CLK3: variants seen among roughly 807,000 people sequenced by gnomAD.
CLK3 encodes the protein CDC like kinase 3.
CLK3 carries 24 observed loss-of-function variants against 65.2 expected under a neutral mutation model. The observed-to-expected ratio is 0.37, with a 90% CI of 0.27 to 0.52. CLK3 has a LOEUF of 0.52. Ranked by LOEUF, CLK3 falls within the 20% of genes least tolerant of loss-of-function variation. The probability of loss-of-function intolerance (pLI) is 0.92; values close to 1 mark genes in which losing one functional copy is unlikely to be tolerated. For missense variants in CLK3, 506 were observed against 660.0 expected (o/e 0.77, Z 2.56); for synonymous variants, 252 against 240.8 (o/e 1.05, Z -0.43).
At chr15:74,628,871 C>T in intron 11 of CLK3, 71 bp from the exon 12 acceptor site, 1 of 1,196,892 alleles carries the variant, frequency 8.4e-7, no homozygotes, top group South Asian at 1.3e-5. Context: ...GGGAGCTGCT[C>T]TTCCCCACCT....
intron 1 of CLK3, 91 bp from the exon 2 acceptor site, chr15:74,619,106 T>G: frequency 6.6e-7 from 1 of 1,519,936 alleles, no homozygotes. Flanking sequence ...ACAATGGGCC[T>G]CTTCAGGAGC....
At chr15:74,615,139 T>G, upstream of CLK3, 2 of 319,720 alleles carry the variant, frequency 6.3e-6, no homozygotes, top group East Asian at 4.8e-5. Flanking sequence ...GGCGGGGCTT[T>G]TGTCTAGCGG....
chr15:74,615,960 G>C, intron 1 of CLK3, 62 bp downstream of exon 1: 1 of 1,166,018 alleles, frequency 8.6e-7, no homozygotes, highest in Non-Finnish European at 1.1e-6. Flanking sequence ...GTGAGTCGGC[G>C]GGGCAGGCGC....
chr15:74,609,228 C>T (rs921839948), intron 1 of CLK3, among the ~76,000 whole-genome samples: 6 of 152,244 alleles, frequency 3.9e-5, no homozygotes, highest in African/African-American at 1.4e-4. Context: ...AGGCCCCGAA[C>T]TCCACTTCCT....
At chr15:74,626,342 G>A (rs562057429) in intron 7 of CLK3, among the ~76,000 whole-genome samples, 3 of 152,164 alleles carry the variant, frequency 2.0e-5, no homozygotes, top group South Asian at 2.1e-4. Context: ...GGAGACCCTC[G>A]GTCTAACCCT....
At chr15:74,628,767 G>T in intron 11 of CLK3, 84 bp downstream of exon 11, 1 of 1,234,918 alleles carries the variant, frequency 8.1e-7, no homozygotes, top group Admixed American at 2.1e-5. Flanking sequence ...TGGATGTGGT[G>T]AGTCTTTGCT....
Position 74,621,326 on chromosome 15 carries a change from T to C in CLK3, c.370-794T>C, listed in dbSNP as rs2062101516. On this transcript the variant is annotated intron_variant, in intron 3 of 12. Transcript: ENST00000395066. This position sits in a 1 kb window ranked among gnomAD's most constrained non-coding sequence, Gnocchi z 4.8. Reference sequence around the variant, plus strand: ...GGATGGGCCTAGATTGTGAGCAGCATGGGTGCCAAGGCCAGGGCAGGAGCT... The same window carrying C: ...GGATGGGCCTAGATTGTGAGCAGCACGGGTGCCAAGGCCAGGGCAGGAGCT... 2 of 157,416 alleles carry C rather than the reference T, an allele frequency of 1.3e-5. No individual in the cohort carries two copies. Among genetic ancestry groups the C allele is most frequent in the Admixed American group, 6.1e-5 (1 of 16,324 alleles). 9.8% of individuals were successfully genotyped at this position (157,416 alleles called of 1,614,324 possible).
Position 74,615,886 on chromosome 15 carries a change from A to G in CLK3, c.-13A>G, listed in dbSNP as rs2062053270. ...GGGAGTGGGGCCTAGCTGCAGCCGG[A>G]GCCTGGGAGACGGTAAGTGTGGGCT... On this transcript the variant is annotated 5_prime_UTR_variant, in exon 1 of 13. Coordinates refer to ENST00000395066, the MANE Select transcript of CLK3 (RefSeq NM_001130028.2). 3 of 1,253,514 alleles carry G rather than the reference A, an allele frequency of 2.4e-6. No individual in the cohort carries two copies. The African/African-American group carries it at 4.6e-5, about 19-fold the overall frequency. 77.6% of individuals were successfully genotyped at this position (1,253,514 alleles called of 1,614,324 possible).
chr15:74,622,453 T>C lies in CLK3; in HGVS notation c.467-41T>C. The C allele has an allele frequency of 6.6e-7, 1 of 1,504,156 alleles. No homozygotes were observed. The highest frequency in any genetic ancestry group is 9.1e-7 in the Non-Finnish European group (1 of 1,096,830). The allele number at this position is 1,504,156 out of a possible 1,614,324, so 93.2% of individuals were successfully genotyped here. ...GAACTTGCAGGAGCTGCCAACCCCC[T>C]GCCCTCCAGATTCTCATGCCCAATT... is the stretch of plus-strand genomic sequence containing the variant. On this transcript the variant is annotated intron_variant, in intron 4 of 12. Transcript: ENST00000395066. This position sits in a 1 kb window ranked among gnomAD's most constrained non-coding sequence, Gnocchi z 4.6.
intron 3 of CLK3, chr15:74,620,558 C>G (rs2062093747): frequency 7.3e-6 from 3 of 413,398 alleles, no homozygotes; most frequent in African/African-American, 6.0e-5. Context: ...TCTTAGGGAT[C>G]CTAGTAGAGT....
intron 11 of CLK3, 75 bp from the exon 12 acceptor site, chr15:74,628,867 T>C (rs1019848510): frequency 3.4e-6 from 4 of 1,171,880 alleles, no homozygotes; most frequent in Non-Finnish European, 5.0e-6. Context: ...TCTTGGGAGC[T>C]GCTCTTCCCC....
intron 1 of CLK3, 90 bp from the exon 2 acceptor site, chr15:74,619,107 C>T (rs997928198): frequency 5.5e-5 from 85 of 1,540,858 alleles, no homozygotes; most frequent in Non-Finnish European, 7.4e-5. Flanking sequence ...CAATGGGCCT[C>T]TTCAGGAGCA....
chr15:74,615,202 G>A (rs961455683), upstream of CLK3: 3 of 392,148 alleles, frequency 7.7e-6, no homozygotes, highest in Non-Finnish European at 1.3e-5. Context: ...CTCCACAGGA[G>A]GGGGCTCAAG....
intron 2 of CLK3, among the ~76,000 whole-genome samples, chr15:74,619,709 T>TA (rs1373377789): frequency 2.0e-5 from 3 of 152,136 alleles, no homozygotes; most frequent in Non-Finnish European, 2.9e-5. Context: ...AGGTCAAACT[T>TA]AGAGTTGCAG....
chr15:74,615,536 A>G (rs1478688649), upstream of CLK3: 2 of 1,287,532 alleles, frequency 1.6e-6, no homozygotes, highest in Non-Finnish European at 2.0e-6. Context: ...CCCCACGGCC[A>G]GGTCGGGGCC....
upstream of CLK3, chr15:74,615,397 C>A (rs2141533316): frequency 8.1e-7 from 1 of 1,238,204 alleles, no homozygotes; most frequent in East Asian, 3.2e-5. Flanking sequence ...GTCCGCCTTC[C>A]CGAGCTCCGG....
At position 74,622,339 on chromosome 15, in the gene CLK3, CT is replaced by C; in HGVS notation, c.466+124del. ...CCTTAGCGGGGCCACCAGTAATTGC[CT>C]GAATGACACAGACACTAGCAACTTC... On this transcript the variant is annotated intron_variant, in intron 4 of 12. Coordinates refer to ENST00000395066, the MANE Select transcript of CLK3 (RefSeq NM_001130028.2). This position sits in a 1 kb window ranked among gnomAD's most constrained non-coding sequence, Gnocchi z 4.6. The C allele has an allele frequency of 9.5e-7, 1 of 1,051,418 alleles. No homozygotes were observed. The highest frequency in any genetic ancestry group is 1.5e-5 in the South Asian group (1 of 68,550). The allele number at this position is 1,051,418 out of a possible 1,614,324, so 65.1% of individuals were successfully genotyped here.
chr15:74,620,457 T>C, intron 3 of CLK3: 2 of 636,814 alleles, frequency 3.1e-6, no homozygotes, highest in Non-Finnish European at 5.4e-6. Flanking sequence ...CTGGCTCCGA[T>C]GCTGGCTGGC....
rs2062124046 is a variant in CLK3 at position 74,624,032 on chromosome 15, C to G, written c.534-870C>G. On this transcript the variant is annotated intron_variant, in intron 5 of 12. Transcript: ENST00000395066. The surrounding 1 kb of genome is among the most constrained non-coding windows in gnomAD (Gnocchi z 4.2). ...TAGGGAGAAAAAAGCAGGGGATTCTCTAGAAGGTCCCTTTATCCTGGGCCT... is the reference window on the plus strand; with the variant it reads ...TAGGGAGAAAAAAGCAGGGGATTCTGTAGAAGGTCCCTTTATCCTGGGCCT... The G allele has an allele frequency of 6.6e-6, 1 of 152,238 alleles. No individual in the cohort carries two copies. Among genetic ancestry groups the G allele is most frequent in the Non-Finnish European group, 1.5e-5 (1 of 68,028 alleles). The allele number at this position is 152,238 out of a possible 1,614,324, so 9.4% of individuals were successfully genotyped here.
Sources: gnomAD v4.1 joint callset for allele counts (sites outside exome capture counted in the v4.1 genomes callset) on GRCh38, gnomAD v4.1.1 for gene constraint, Gnocchi (gnomAD v3.1) non-coding constraint, MANE v1.5 for transcripts, NCBI Gene and HGNC (gene_info 2026-07-23, HGNC 2026-07-21) for gene names.